The following PSG6 variants were observed in gnomAD, a reference collection of about 807,000 sequenced individuals.
The protein encoded by PSG6 is pregnancy-specific beta-1-glycoprotein 6.
PSG6 carries 51 observed loss-of-function variants against 43.3 expected under a neutral mutation model. The observed-to-expected ratio is 1.18, with a 90% CI of 0.94 to 1.49. PSG6 has a LOEUF of 1.49. Among genes scored for constraint, PSG6 ranks in the 40% most tolerant of loss-of-function variants. PSG6 has a pLI of 0.00. For synonymous variants in PSG6, 292 were observed against 197.6 expected (o/e 1.48, Z -4.01); for missense variants, 770 against 522.2 (o/e 1.47, Z -4.62).
intron 5 of PSG6, among the ~76,000 whole-genome samples, chr19:42,904,260 T>G (rs1863922563): frequency 6.6e-6 from 1 of 151,750 alleles, no homozygotes; most frequent in Non-Finnish European, 1.5e-5. Context: ...TGCCTGCTAT[T>G]GACACTTTTA....
chr19:42,907,504 T>G (rs1034519401), intron 4 of PSG6, 72 bp downstream of exon 4: 4 of 1,594,442 alleles, frequency 2.5e-6, no homozygotes, highest in Non-Finnish European at 3.4e-6. Context: ...GGAGAGAGAC[T>G]GAGAGGCCTG....
At chr19:42,903,290 A>C (rs1211070467) in intron 5 of PSG6, among the ~76,000 whole-genome samples, 3 of 151,692 alleles carry the variant, frequency 2.0e-5, no homozygotes, top group Non-Finnish European at 4.4e-5. Context: ...AGGGGTTCAG[A>C]GAAGTTGAGT....
At chr19:42,903,578 T>A (rs925657552) in intron 5 of PSG6, 3 of 1,419,310 alleles carry the variant, frequency 2.1e-6, no homozygotes, top group Admixed American at 6.2e-5. Flanking sequence ...AGAGAAAAGA[T>A]AAAATTACTC....
rs959238902 is a variant in PSG6, at chr19:42,916,839, G to C, written c.65-352C>G. Among the ~76,000 whole-genome samples, 24 of 151,554 alleles carry C rather than the reference G, an allele frequency of 1.6e-4. 2 individuals carry two copies. In the East Asian group the frequency reaches 2.9e-3, roughly 19 times the overall value. ...TCCTTAGACTTCTTTCCTGATGCCTGCTTCAGAGACCCTGGGTCTTCCCTT... is the reference window on the plus strand; with the variant it reads ...TCCTTAGACTTCTTTCCTGATGCCTCCTTCAGAGACCCTGGGTCTTCCCTT... On this transcript the variant is annotated intron_variant, in intron 1 of 5. Coordinates refer to ENST00000187910, the MANE Select transcript of PSG6 (RefSeq NM_001031850.4).
chr19:42,903,022 G>A (rs147360874), intron 5 of PSG6, among the ~76,000 whole-genome samples: 153 of 150,788 alleles, frequency 1.0e-3, no homozygotes, highest in African/African-American at 3.5e-3. Context: ...TGTCAGGTAG[G>A]CATTATTTCC....
chr19:42,907,570 A>G lies in PSG6; in HGVS notation c.985+6T>C, dbSNP rs1400072604. ...CCTGGCCCACAGAGGAACAAAGGAT[A>G]CTCACAGAGGACATTCAGGGTGACT... On this transcript the variant is annotated splice_donor_region_variant and intron_variant, in intron 4 of 5. Transcript: ENST00000187910. 2.5e-6 allele frequency: 4 copies of G among 1,611,734 alleles called. No homozygotes were observed. The Admixed American group carries it at 6.7e-5, about 27-fold the overall frequency.
intron 5 of PSG6, 170 bp downstream of exon 5, chr19:42,906,752 G>T (rs1160236068): frequency 6.4e-7 from 1 of 1,557,682 alleles, no homozygotes; most frequent in African/African-American, 1.4e-5. Context: ...AGAAAAACAA[G>T]CAGAAGAGAG....
intron 5 of PSG6, chr19:42,903,842 A>G (rs897145947): frequency 7.0e-6 from 9 of 1,284,516 alleles, no homozygotes; most frequent in African/African-American, 6.1e-5. Flanking sequence ...GCAGTGAGCC[A>G]TAATCACACC....
In PSG6 at chr19:42,917,727, A is replaced by T. The variant is rs570761988; in HGVS notation, c.64+2T>A. 6.4e-5 allele frequency: 103 copies of T among 1,609,064 alleles called. 1 individual carries two copies. The South Asian group carries it at 9.1e-4, about 14-fold the overall frequency. Reference sequence around the variant, plus strand: ...TCCTCTCCCAGGAAGTCCTCTCCTCACCTGTGAGCAGGAGCCCCTTCCAGG... The same window carrying T: ...TCCTCTCCCAGGAAGTCCTCTCCTCTCCTGTGAGCAGGAGCCCCTTCCAGG... On this transcript the variant is annotated splice_donor_variant, in intron 1 of 5. Coordinates refer to ENST00000187910, the MANE Select transcript of PSG6 (RefSeq NM_001031850.4). LOFTEE classifies it high-confidence loss of function.
chr19:42,915,698 C>A, intron 2 of PSG6: 1 of 242,598 alleles, frequency 4.1e-6, no homozygotes. Flanking sequence ...GGCTCCTCAG[C>A]TTTACCTGGA....
At position 42,916,285 on chromosome 19, in the gene PSG6, T is replaced by A. The variant is rs749101634; in HGVS notation, c.267A>T (p.Ile89=). The change falls in exon 2 of 6, where the codon ATA becomes ATT. Residue 89 remains isoleucine (I), a synonymous_variant. Transcript: ENST00000187910. ...CTCGTCCACTGTAGGCAGGCCCATA[T>A]ATAATTTGACCGTGTACTACATATG... is the stretch of plus-strand genomic sequence containing the variant. ...ITSYVVHGQI[I]YGPAYSGRET... 2 of 1,612,098 alleles carry A rather than the reference T, an allele frequency of 1.2e-6. No individual in the cohort carries two copies. Among genetic ancestry groups the A allele is most frequent in the Non-Finnish European group, 1.7e-6 (2 of 1,179,082 alleles).
In PSG6 at chr19:42,914,689, T is replaced by A. The variant is rs542069490; in HGVS notation, c.427+1436A>T. On this transcript the variant is annotated intron_variant, in intron 2 of 5. Coordinates refer to ENST00000187910, the MANE Select transcript of PSG6 (RefSeq NM_001031850.4). ...TGGCTAGAACCTCCTAGGATTCTGA[T>A]TCCAAGATCCAGTCTCTAAAGAGGT... is the stretch of plus-strand genomic sequence containing the variant. 1.6e-4 allele frequency among the ~76,000 whole-genome samples: 24 copies of A among 151,680 alleles called. 1 individual carries two copies. In the East Asian group the frequency reaches 1.7e-3, roughly 11 times the overall value.
chr19:42,908,439 G>C (rs1330366804), intron 3 of PSG6, among the ~76,000 whole-genome samples: 2 of 151,690 alleles, frequency 1.3e-5, no homozygotes, highest in African/African-American at 4.8e-5. Flanking sequence ...GGCACCAGGT[G>C]GGGCAGTTTT....
intron 2 of PSG6, among the ~76,000 whole-genome samples, chr19:42,913,688 G>A (rs1018869894): frequency 9.9e-5 from 15 of 151,684 alleles, no homozygotes; most frequent in Non-Finnish European, 1.5e-4. Context: ...CATCACTATT[G>A]TAGAACGTGA....
Position 42,916,116 on chromosome 19 carries a change from A to T in PSG6, c.427+9T>A. On this transcript the variant is annotated intron_variant, in intron 2 of 5. Coordinates refer to ENST00000187910, the MANE Select transcript of PSG6 (RefSeq NM_001031850.4). ...CCCCAACACCCAGGGATCATGCGGA[A>T]TCACTCACAGTATAAGGTGACAGTG... The T allele has an allele frequency of 6.2e-7, 1 of 1,610,196 alleles. No homozygotes were observed. The highest frequency in any genetic ancestry group is 1.1e-5 in the South Asian group (1 of 90,018).
intron 5 of PSG6, 76 bp from the exon 6 acceptor site, chr19:42,902,522 G>T (rs1972051347): frequency 5.1e-6 from 8 of 1,579,530 alleles, no homozygotes; most frequent in Admixed American, 1.7e-5. Flanking sequence ...TTTCCCACAG[G>T]CTCCCAGCAA....
At position 42,907,023 on chromosome 19, in the gene PSG6, A is replaced by T. The variant is rs780626489; in HGVS notation, c.1139T>A (p.Ile380Asn). The T allele has an allele frequency of 1.2e-5, 20 of 1,612,358 alleles. No individual in the cohort carries two copies. Among genetic ancestry groups the T allele is most frequent in the African/African-American group, 5.4e-5 (4 of 74,698 alleles). The change falls in exon 5 of 6, where the codon ATC becomes AAC. Residue 380 changes from isoleucine (I) to asparagine (N), a missense_variant. Ile to Asn is a moderately radical substitution (Grantham distance 149). Transcript: ENST00000187910. ...KFQLSGQKLF[I>N]PQITTNHSGL... Reference sequence around the variant, plus strand: ...GCTATGATTTGTAGTAATTTGGGGGATAAAGAGCTTTTGTCCTGATAGCTG... The same window carrying T: ...GCTATGATTTGTAGTAATTTGGGGGTTAAAGAGCTTTTGTCCTGATAGCTG...
intron 2 of PSG6, among the ~76,000 whole-genome samples, chr19:42,914,090 C>T (rs996016466): frequency 6.6e-6 from 1 of 151,450 alleles, no homozygotes; most frequent in African/African-American, 2.4e-5. Flanking sequence ...CTGGCAATTA[C>T]AAGGGTGGAT....
rs113154678 is a variant in PSG6, at chr19:42,916,030, T to G, written c.427+95A>C. On this transcript the variant is annotated intron_variant, in intron 2 of 5. Transcript: ENST00000187910. ...CCAGCATGGGACATAATGCAGAGAG[T>G]GACACAGGCAGAGTCCAGGCCTGAC... is the stretch of plus-strand genomic sequence containing the variant. The G allele has an allele frequency of 3.3e-3, 5,145 of 1,574,292 alleles. 195 individuals carry two copies. In the African/African-American group the frequency reaches 0.059, roughly 18 times the overall value.
Sources: gnomAD v4.1 joint callset for allele counts (sites outside exome capture counted in the v4.1 genomes callset) on GRCh38, gnomAD v4.1.1 for gene constraint, MANE v1.5 for transcripts, NCBI Gene and HGNC (gene_info 2026-07-23, HGNC 2026-07-21) for gene names.